The following ERI3 variants were observed in gnomAD, a reference collection of about 807,000 sequenced individuals.
ERI3 encodes the protein ERI1 exoribonuclease family member 3.
A neutral mutation model predicts 44.4 loss-of-function variants in ERI3; 18 were observed. The ratio of observed to expected loss-of-function variants is 0.41; its 90% CI spans 0.28 to 0.60. The LOEUF (loss-of-function observed/expected upper bound fraction) is 0.60. Among genes scored for constraint, ERI3 ranks in the 20% least tolerant of loss-of-function variants. The probability of loss-of-function intolerance (pLI) is 0.36; values close to 1 mark genes in which losing one functional copy is unlikely to be tolerated. For missense variants in ERI3, 294 were observed against 435.5 expected (o/e 0.68, Z 2.89); for synonymous variants, 183 against 164.8 (o/e 1.11, Z -0.84).
rs554505049 is a variant in ERI3, at chr1:44,250,561, G to A, written c.832-2523C>T. The stretch of plus-strand genomic sequence containing the variant: ...CCAGGAAAGGAGGCAACCCGGTCCC[G>A]CCTGACAGATGCCTTTCAGGAAGGG... On this transcript the variant is annotated intron_variant, in intron 7 of 8. Transcript: ENST00000372257. Among the ~76,000 whole-genome samples, 14 of 152,310 alleles carry A rather than the reference G, an allele frequency of 9.2e-5. No homozygotes were observed. In the East Asian group the frequency reaches 2.1e-3, roughly 23 times the overall value.
intron 7 of ERI3, among the ~76,000 whole-genome samples, chr1:44,268,183 C>T (rs1430793894): frequency 2.6e-5 from 4 of 152,110 alleles, no homozygotes; most frequent in Non-Finnish European, 5.9e-5. Context: ...GCCTATTGAC[C>T]CATCCATCTT....
chr1:44,331,783 C>T (rs1002190773), intron 3 of ERI3, among the ~76,000 whole-genome samples: 2 of 152,192 alleles, frequency 1.3e-5, no homozygotes, highest in African/African-American at 4.8e-5. Flanking sequence ...ACCCCTTCTT[C>T]TCTTCCTGCT....
chr1:44,244,462 C>T (rs1394869966), intron 8 of ERI3, among the ~76,000 whole-genome samples: 1 of 152,212 alleles, frequency 6.6e-6, no homozygotes, highest in East Asian at 1.9e-4. Context: ...TTTGTGAGCT[C>T]TGTGGTGACA....
At chr1:44,288,928 C>T (rs1246045511) in intron 6 of ERI3, among the ~76,000 whole-genome samples, 1 of 152,184 alleles carries the variant, frequency 6.6e-6, no homozygotes, top group Non-Finnish European at 1.5e-5. Flanking sequence ...AAAAGAGCCA[C>T]TGGCAGTGGG....
At chr1:44,270,316 A>C (rs1645064921) in intron 7 of ERI3, among the ~76,000 whole-genome samples, 1 of 152,184 alleles carries the variant, frequency 6.6e-6, no homozygotes, top group African/African-American at 2.4e-5. Context: ...AGTTTACTGA[A>C]GTCCCCTCTA....
intron 7 of ERI3, among the ~76,000 whole-genome samples, chr1:44,273,368 A>G (rs894919586): frequency 6.6e-6 from 1 of 152,208 alleles, no homozygotes; most frequent in Non-Finnish European, 1.5e-5. Context: ...TGGAGAAAAG[A>G]GCACACTGAC....
chr1:44,354,277 A>T (rs572407885), intron 1 of ERI3: 1 of 985,438 alleles, frequency 1.0e-6, no homozygotes, highest in Non-Finnish European at 1.2e-6. Flanking sequence ...CCTCTCGCAG[A>T]CACAACGATG....
At chr1:44,285,245 C>T (rs961679636) in intron 6 of ERI3, among the ~76,000 whole-genome samples, 8 of 152,204 alleles carry the variant, frequency 5.3e-5, no homozygotes, top group Admixed American at 2.6e-4. Flanking sequence ...GTACTGTTGT[C>T]TACATTTTAC....
chr1:44,336,145 T>C (rs1368398829), intron 3 of ERI3, among the ~76,000 whole-genome samples: 1 of 152,182 alleles, frequency 6.6e-6, no homozygotes, highest in Non-Finnish European at 1.5e-5. Flanking sequence ...GCTTTTCCAA[T>C]TTCTCCACTT....
chr1:44,229,230 G>A (rs574946170), intron 8 of ERI3, among the ~76,000 whole-genome samples: 1 of 152,322 alleles, frequency 6.6e-6, no homozygotes, highest in South Asian at 2.1e-4. Flanking sequence ...CGGTGGCAGG[G>A]AGAGTGGCTG....
At chr1:44,305,813 T>C (rs3853364) in intron 6 of ERI3, among the ~76,000 whole-genome samples, 20,922 of 151,724 alleles carry the variant, frequency 0.14, 1,839 homozygotes, top group Non-Finnish European at 0.19. Flanking sequence ...GAAACTAGAG[T>C]GTGAAATGAA....
At chr1:44,293,683 C>A (rs1211860686) in intron 6 of ERI3, among the ~76,000 whole-genome samples, 1 of 152,246 alleles carries the variant, frequency 6.6e-6, no homozygotes, top group Admixed American at 6.5e-5. Flanking sequence ...TTTCCCAAGA[C>A]CCTACAACTA....
At chr1:44,233,405 CTTT>C (rs767308485) in intron 8 of ERI3, among the ~76,000 whole-genome samples, 4 of 140,698 alleles carry the variant, frequency 2.8e-5, no homozygotes, top group Admixed American at 7.1e-5. Flanking sequence ...ATGTCACGTT[CTTT>C]TTTTTTTTTT....
intron 7 of ERI3, among the ~76,000 whole-genome samples, chr1:44,272,960 A>T (rs1645117136): frequency 6.6e-6 from 1 of 152,190 alleles, no homozygotes; most frequent in Non-Finnish European, 1.5e-5. Flanking sequence ...ATATACCCAA[A>T]ATACAAGTTC....
intron 1 of ERI3, chr1:44,353,552 T>C: frequency 1.0e-6 from 1 of 985,438 alleles, no homozygotes; most frequent in Non-Finnish European, 1.2e-6. Context: ...ACTAATATAT[T>C]CCTGTCTACC....
rs778936296 is a variant in ERI3, at chr1:44,259,920, T to TAGATAGACAGACAGAC, written c.832-11883_832-11882insGTCTGTCTGTCTATCT. Among the ~76,000 whole-genome samples, 262 of 129,712 alleles carry TAGATAGACAGACAGAC rather than the reference T, an allele frequency of 2.0e-3. 1 individual carries two copies. The highest frequency in any genetic ancestry group is 7.0e-3 in the South Asian group (28 of 4,022). The allele number at this position is 129,712 out of a possible 152,430, so 85.1% of individuals were successfully genotyped here. A position where few individuals can be genotyped will look rare whatever the true frequency, so the allele number is the denominator to read the frequency against. On this transcript the variant is annotated intron_variant, in intron 7 of 8. Transcript: ENST00000372257. ...ATAGATAGATAGATAGATAGATAGATAGACAGACAGACAGACAGACAGACA... is the reference window on the plus strand; with the variant it reads ...ATAGATAGATAGATAGATAGATAGATAGATAGACAGACAGACAGACAGACAGACAGACAGACAGACA...
At chr1:44,282,223 G>A (rs1003962640) in intron 7 of ERI3, among the ~76,000 whole-genome samples, 2 of 152,210 alleles carry the variant, frequency 1.3e-5, no homozygotes, top group Middle Eastern at 3.4e-3. Flanking sequence ...GAGGTCTTAG[G>A]AAATAGGCAT....
intron 8 of ERI3, among the ~76,000 whole-genome samples, chr1:44,240,719 A>C (rs1007754819): frequency 2.0e-5 from 3 of 152,286 alleles, no homozygotes; most frequent in East Asian, 3.9e-4. Flanking sequence ...TGTGATTCAG[A>C]CCAGACCAAA....
chr1:44,335,547 G>A (rs61769060), intron 3 of ERI3, among the ~76,000 whole-genome samples: 45,818 of 151,796 alleles, frequency 0.3, 7,905 homozygotes, highest in East Asian at 0.5. Context: ...ATCACCTGAG[G>A]TGGGGAGTTC....
Sources: allele counts gnomAD v4.1 joint callset (sites outside exome capture counted in the v4.1 genomes callset), GRCh38; gene constraint gnomAD v4.1.1; transcripts MANE v1.5; gene names NCBI Gene and HGNC (gene_info 2026-07-23, HGNC 2026-07-21).